Variants in GABRB1 observed in about 807,000 individuals in gnomAD.
GABRB1 encodes gamma-aminobutyric acid receptor subunit beta-1.
GABRB1 carries 17 observed loss-of-function variants against 51.6 expected under a neutral mutation model. The ratio of observed to expected loss-of-function variants is 0.33; its 90% CI spans 0.23 to 0.49. GABRB1 has a LOEUF of 0.49. GABRB1 is among the 20% of genes least tolerant of loss of function. The probability of loss-of-function intolerance (pLI) is 0.99; values close to 1 mark genes in which losing one functional copy is unlikely to be tolerated. For synonymous variants in GABRB1, 247 were observed against 218.9 expected (o/e 1.13, Z -1.14); for missense variants, 410 against 600.6 (o/e 0.68, Z 3.32).
At chr4:47,162,804 G>A (rs1164780886) in intron 4 of GABRB1, among the ~76,000 whole-genome samples, 5 of 151,984 alleles carry the variant, frequency 3.3e-5, no homozygotes, top group Admixed American at 6.6e-5. Flanking sequence ...TAATCCCTTC[G>A]GAGCCAACCC....
chr4:47,287,575 T>G (rs1378774004), intron 4 of GABRB1, among the ~76,000 whole-genome samples: 1 of 152,234 alleles, frequency 6.6e-6, no homozygotes, highest in Non-Finnish European at 1.5e-5. Context: ...TACTTTGTGT[T>G]AGACAGCATC....
At chr4:47,339,683 A>G (rs1420062119) in intron 5 of GABRB1, among the ~76,000 whole-genome samples, 1 of 152,114 alleles carries the variant, frequency 6.6e-6, no homozygotes, top group Admixed American at 6.6e-5. Flanking sequence ...AGTTAAATGA[A>G]TTCACCAAAT....
intron 1 of GABRB1, among the ~76,000 whole-genome samples, chr4:46,999,603 A>G (rs1345196213): frequency 6.6e-6 from 1 of 152,246 alleles, no homozygotes; most frequent in Non-Finnish European, 1.5e-5. Context: ...AAATGTATAC[A>G]AAAGAAGCAA....
At chr4:47,041,766 T>C (rs1725855098) in intron 3 of GABRB1, among the ~76,000 whole-genome samples, 2 of 152,144 alleles carry the variant, frequency 1.3e-5, no homozygotes, top group South Asian at 2.1e-4. Flanking sequence ...GTTGTCTCCA[T>C]GGAGACAGTT....
At chr4:47,421,350 C>A (rs1729085590) in intron 8 of GABRB1, among the ~76,000 whole-genome samples, 1 of 152,098 alleles carries the variant, frequency 6.6e-6, no homozygotes, top group South Asian at 2.1e-4. Flanking sequence ...CATCTGTATG[C>A]TTCACTAGCC....
chr4:47,282,661 A>T (rs1334941416), intron 4 of GABRB1, among the ~76,000 whole-genome samples: 1 of 152,224 alleles, frequency 6.6e-6, no homozygotes, highest in Non-Finnish European at 1.5e-5. Context: ...TTTCTTTACA[A>T]ATCTTAACCA....
intron 4 of GABRB1, among the ~76,000 whole-genome samples, chr4:47,280,474 TTA>T: frequency 6.6e-6 from 1 of 150,544 alleles, no homozygotes; most frequent in Non-Finnish European, 1.5e-5. Flanking sequence ...ACCAGTGATT[TTA>T]TATATATATT....
chr4:47,032,073 C>CAAAAAAAAAAAAAAAAAA, intron 2 of GABRB1, 68 bp downstream of exon 2: 1 of 449,868 alleles, frequency 2.2e-6, no homozygotes, highest in Admixed American at 4.8e-5. Flanking sequence ...AGATAAATGT[C>CAAAAAAAAAAAAAAAAAA]AAAAAAAAAA....
At chr4:47,068,814 G>C (rs1483068887) in intron 3 of GABRB1, among the ~76,000 whole-genome samples, 3 of 152,092 alleles carry the variant, frequency 2.0e-5, no homozygotes, top group Non-Finnish European at 1.5e-5. Flanking sequence ...GTGAGCACAT[G>C]CTGTTTAAAA....
At chr4:47,130,325 CTGTGTGTGTGTGTGTG>C (rs67244692) in intron 3 of GABRB1, among the ~76,000 whole-genome samples, 2,971 of 133,696 alleles carry the variant, frequency 0.022, 55 homozygotes, top group South Asian at 0.033. Context: ...GCTCCAGATA[CTGTGTGTGTGTGTGTG>C]TGTGTGTGTG....
chr4:47,369,067 C>G (rs1366740780), intron 5 of GABRB1, among the ~76,000 whole-genome samples: 1 of 152,158 alleles, frequency 6.6e-6, no homozygotes, highest in Non-Finnish European at 1.5e-5. Flanking sequence ...GAGATCACAT[C>G]ACTGCACTCC....
At chr4:47,160,164 A>T (rs1717875545) in intron 3 of GABRB1, among the ~76,000 whole-genome samples, 1 of 152,142 alleles carries the variant, frequency 6.6e-6, no homozygotes, top group Non-Finnish European at 1.5e-5. Flanking sequence ...TCTAACTGCC[A>T]GGGGAAACCT....
intron 4 of GABRB1, among the ~76,000 whole-genome samples, chr4:47,315,636 C>T (rs1344538335): frequency 6.6e-6 from 1 of 151,858 alleles, no homozygotes; most frequent in Non-Finnish European, 1.5e-5. Context: ...AACCTAAGTG[C>T]CCATTAACAG....
intron 3 of GABRB1, among the ~76,000 whole-genome samples, chr4:47,140,795 C>A (rs1386051651): frequency 6.7e-6 from 1 of 149,822 alleles, no homozygotes; most frequent in Non-Finnish European, 1.5e-5. Flanking sequence ...CCAGAACCAA[C>A]TTAAGCTAGC....
At chr4:47,252,148 G>A (rs1403597621) in intron 4 of GABRB1, among the ~76,000 whole-genome samples, 1 of 147,594 alleles carries the variant, frequency 6.8e-6, no homozygotes, top group East Asian at 2.1e-4. Flanking sequence ...GTGGTGCCAG[G>A]CAGGAATGGC....
chr4:47,405,932 A>G (rs1340557996), intron 7 of GABRB1, among the ~76,000 whole-genome samples: 1 of 152,204 alleles, frequency 6.6e-6, no homozygotes, highest in Admixed American at 6.5e-5. Flanking sequence ...TTATGAGTTT[A>G]CAGACTTAAA....
intron 5 of GABRB1, among the ~76,000 whole-genome samples, chr4:47,358,425 A>C (rs1392974666): frequency 6.6e-6 from 1 of 151,378 alleles, no homozygotes; most frequent in Non-Finnish European, 1.5e-5. Context: ...AGAGTGAGAG[A>C]GAGAGAGAGA....
chr4:47,163,420 A>AGTG (rs1034802362), intron 4 of GABRB1, among the ~76,000 whole-genome samples: 29 of 152,022 alleles, frequency 1.9e-4, no homozygotes, highest in African/African-American at 7.0e-4. Context: ...ACACTAATTG[A>AGTG]GTGCCTATTA....
intron 3 of GABRB1, among the ~76,000 whole-genome samples, chr4:47,055,516 G>C (rs139353689): frequency 1.0e-3 from 157 of 152,262 alleles, no homozygotes; most frequent in African/African-American, 3.2e-3. Flanking sequence ...TGTTCAGAAT[G>C]TTAATTACAT....
Sources: gnomAD v4.1 joint callset for allele counts (sites outside exome capture counted in the v4.1 genomes callset) on GRCh38, gnomAD v4.1.1 for gene constraint, MANE v1.5 for transcripts, NCBI Gene and HGNC (gene_info 2026-07-23, HGNC 2026-07-21) for gene names.